Variants in DSCAML1 observed in about 807,000 individuals in gnomAD.
DSCAML1 encodes the protein DS cell adhesion molecule like 1, also known as cell adhesion molecule DSCAML1.
In DSCAML1, 38 loss-of-function variants were observed where a neutral mutation model predicts 200.5. The ratio of observed to expected loss-of-function variants is 0.19; its 90% CI spans 0.15 to 0.25. The LOEUF is 0.25. DSCAML1 is among the 10% of genes least tolerant of loss of function. DSCAML1 has a pLI of 1.00. For missense variants in DSCAML1, 2,223 were observed against 2,858.8 expected, an observed-to-expected ratio of 0.78 and a Z score of 5.07; for synonymous variants, 1,215 against 1,165.0, an observed-to-expected ratio of 1.04 and a Z score of -0.87.
At chr11:117,430,660 G>T in intron 32 of DSCAML1, 62 bp downstream of exon 32, 12 of 1,532,154 alleles carry the variant, frequency 7.8e-6, no homozygotes, top group Non-Finnish European at 1.1e-5. Context: ...TCTAGCCAGG[G>T]CTCATGGGGC....
intron 16 of DSCAML1, among the ~76,000 whole-genome samples, chr11:117,465,836 C>T (rs1380518309): frequency 6.6e-6 from 1 of 151,896 alleles, no homozygotes; most frequent in Non-Finnish European, 1.5e-5. Flanking sequence ...GAACAGCAGA[C>T]AAAAAGTAAT....
chr11:117,796,715 G>A (rs2055583900), intron 1 of DSCAML1, among the ~76,000 whole-genome samples: 1 of 152,262 alleles, frequency 6.6e-6, no homozygotes, highest in South Asian at 2.1e-4. Flanking sequence ...GCCGCAGGAA[G>A]AGGGCAAGGG....
chr11:117,558,208 G>A (rs756418167), intron 3 of DSCAML1, among the ~76,000 whole-genome samples: 6 of 152,146 alleles, frequency 3.9e-5, no homozygotes, highest in Non-Finnish European at 5.9e-5. Context: ...GGCAAACTGA[G>A]AAGCTGCTGC....
chr11:117,656,456 C>G (rs990961480), intron 3 of DSCAML1, among the ~76,000 whole-genome samples: 3 of 152,172 alleles, frequency 2.0e-5, no homozygotes, highest in Non-Finnish European at 4.4e-5. Flanking sequence ...AGAACATTTA[C>G]TATGCACTAA....
chr11:117,577,182 A>G lies in DSCAML1; in HGVS notation c.512-44660T>C, dbSNP rs2050947610. Among the ~76,000 whole-genome samples the G allele has an allele frequency of 2.0e-5, 3 of 152,238 alleles. No homozygotes were observed. The South Asian group carries it at 6.2e-4, about 32-fold the overall frequency. On this transcript the variant is annotated intron_variant, in intron 3 of 32. Coordinates refer to ENST00000651296, the MANE Select transcript of DSCAML1 (RefSeq NM_020693.4). ...CTGGTCTCTGGCCCAGGGGCTGGAC[A>G]AGATTATTGGTTCTCAGATCCCTGT... is the stretch of plus-strand genomic sequence containing the variant.
intron 3 of DSCAML1, among the ~76,000 whole-genome samples, chr11:117,585,701 G>C (rs1001251444): frequency 1.3e-5 from 2 of 152,176 alleles, no homozygotes; most frequent in African/African-American, 4.8e-5. Flanking sequence ...CTCACTCACT[G>C]CAATGCAGGA....
rs369042637 is a variant in DSCAML1, at chr11:117,780,719, G to C, written c.138C>G (p.Pro46=). Residue 46 remains proline (P), a synonymous_variant, in exon 2 of 33, where the codon CCC becomes CCG. Transcript: ENST00000651296. This position sits in a 1 kb window ranked among gnomAD's most constrained non-coding sequence, Gnocchi z 4.8. The stretch of plus-strand genomic sequence containing the variant: ...CGCTGGGGGAGCCCGCGGCCGGGCA[G>C]GGCACCACCACCCCCACGGAGCTGG... ...TFSSSVGVVV[P]CPAAGSPSAA... 1.8e-5 allele frequency: 29 copies of C among 1,577,094 alleles called. No homozygotes were observed. The highest frequency in any genetic ancestry group is 2.5e-5 in the Non-Finnish European group (29 of 1,160,694).
chr11:117,654,758 C>T (rs2052700412), intron 3 of DSCAML1, among the ~76,000 whole-genome samples: 2 of 152,172 alleles, frequency 1.3e-5, no homozygotes, highest in Admixed American at 6.5e-5. Context: ...TGTTCTCACC[C>T]AGGCACATGC....
At chr11:117,551,080 C>T (rs2050459418) in intron 3 of DSCAML1, among the ~76,000 whole-genome samples, 1 of 152,184 alleles carries the variant, frequency 6.6e-6, no homozygotes, top group African/African-American at 2.4e-5. Context: ...CAGGATTCAC[C>T]CTACACGTTG....
chr11:117,533,567 G>A (rs914935549), intron 3 of DSCAML1, among the ~76,000 whole-genome samples: 1 of 152,250 alleles, frequency 6.6e-6, no homozygotes, highest in Non-Finnish European at 1.5e-5. Flanking sequence ...AGGCAGTGAA[G>A]AGGACAGGCA....
intron 14 of DSCAML1, among the ~76,000 whole-genome samples, chr11:117,476,881 C>T (rs936237734): frequency 3.3e-5 from 5 of 152,090 alleles, no homozygotes; most frequent in Admixed American, 6.5e-5. Context: ...AGCCGATGGT[C>T]AGGACCCAGG....
At chr11:117,734,793 A>C (rs987244120) in intron 3 of DSCAML1, among the ~76,000 whole-genome samples, 1 of 152,156 alleles carries the variant, frequency 6.6e-6, no homozygotes, top group Non-Finnish European at 1.5e-5. Flanking sequence ...GGGAGGAAAG[A>C]CGAGACAGGT....
intron 3 of DSCAML1, among the ~76,000 whole-genome samples, chr11:117,539,371 G>A (rs1053968352): frequency 6.6e-6 from 1 of 152,080 alleles, no homozygotes; most frequent in African/African-American, 2.4e-5. Flanking sequence ...ACTTTGGGAG[G>A]CCAAGGAGGG....
At chr11:117,769,550 A>ATATATAT (rs2055000459) in intron 3 of DSCAML1, among the ~76,000 whole-genome samples, 1 of 2,544 alleles carries the variant, frequency 3.9e-4, no homozygotes, top group African/African-American at 7.2e-4. Context: ...TATATATTTT[A>ATATATAT]TATATATATT....
chr11:117,480,525 C>T lies in DSCAML1; in HGVS notation c.2703G>A (p.Arg901=), dbSNP rs2048892042. ...GCTGGGTCCAGCGCAGGTTCATGCT[C>T]CGGGCCTTCACCTCCCGGATCTCCA... ...PELEIREVKA[R]SMNLRWTQRF... The change falls in exon 14 of 33, where the codon CGG becomes CGA. Residue 901 remains arginine, a synonymous_variant. Coordinates refer to ENST00000651296, the MANE Select transcript of DSCAML1 (RefSeq NM_020693.4). The surrounding 1 kb of genome is among the most constrained non-coding windows in gnomAD (Gnocchi z 4.1). The T allele has an allele frequency of 6.3e-7, 1 of 1,593,294 alleles. No homozygotes were observed. The highest frequency in any genetic ancestry group is 1.3e-5 in the African/African-American group (1 of 74,592).
intron 3 of DSCAML1, among the ~76,000 whole-genome samples, chr11:117,669,323 G>C (rs2053052254): frequency 6.6e-6 from 1 of 152,208 alleles, no homozygotes; most frequent in Non-Finnish European, 1.5e-5. Context: ...CGGGCCCTCG[G>C]GCTGGCTCTG....
chr11:117,540,297 G>T (rs1050056351), intron 3 of DSCAML1, among the ~76,000 whole-genome samples: 1 of 152,132 alleles, frequency 6.6e-6, no homozygotes, highest in Non-Finnish European at 1.5e-5. Context: ...ACAGGAGTGC[G>T]AACCCTATTG....
At chr11:117,590,873 G>A (rs972812065) in intron 3 of DSCAML1, among the ~76,000 whole-genome samples, 4 of 152,110 alleles carry the variant, frequency 2.6e-5, no homozygotes, top group Admixed American at 6.6e-5. Flanking sequence ...CAGTTATATC[G>A]GAAAATGGGC....
chr11:117,751,612 T>C (rs1356912310), intron 3 of DSCAML1, among the ~76,000 whole-genome samples: 2 of 152,092 alleles, frequency 1.3e-5, no homozygotes, highest in African/African-American at 2.4e-5. Context: ...AAAGCGCTCA[T>C]CTTTCAGTGA....
Sources: allele counts gnomAD v4.1 joint callset (sites outside exome capture counted in the v4.1 genomes callset), GRCh38; gene constraint gnomAD v4.1.1; non-coding constraint Gnocchi (gnomAD v3.1); transcripts MANE v1.5; gene names NCBI Gene and HGNC (gene_info 2026-07-23, HGNC 2026-07-21).